Variants in ADCY7 observed in about 807,000 individuals in gnomAD.
ADCY7 encodes the protein adenylate cyclase type 7.
Under a neutral mutation model 120.6 loss-of-function variants are expected in ADCY7, and 72 were observed. That is an observed-to-expected ratio of 0.60 (90% confidence interval 0.49 to 0.73). ADCY7 has a LOEUF of 0.73. Ranked by LOEUF, ADCY7 falls within the 30% of genes least tolerant of loss-of-function variation. The probability of loss-of-function intolerance (pLI) is 0.00; values close to 1 mark genes in which losing one functional copy is unlikely to be tolerated. For synonymous variants in ADCY7, 661 were observed against 628.0 expected (o/e 1.05, Z -0.78); for missense variants, 1,227 against 1,486.0 (o/e 0.83, Z 2.87).
At chr16:50,307,643 TAGA>T (rs1162556493) in intron 15 of ADCY7, among the ~76,000 whole-genome samples, 3 of 152,174 alleles carry the variant, frequency 2.0e-5, no homozygotes, top group Non-Finnish European at 1.5e-5. Context: ...TGGTGCTTTC[TAGA>T]AGAGCAGTTA....
intron 14 of ADCY7, 118 bp from the exon 15 acceptor site, chr16:50,306,932 T>G (rs1043368540): frequency 1.3e-6 from 1 of 759,968 alleles, no homozygotes; most frequent in Non-Finnish European, 2.1e-6. Flanking sequence ...GTGCTGGGAT[T>G]ACAAGCGTGA....
intron 12 of ADCY7, 24 bp from the exon 13 acceptor site, chr16:50,305,479 G>A (rs1315205163): frequency 6.2e-7 from 1 of 1,608,408 alleles, no homozygotes; most frequent in East Asian, 2.2e-5. Context: ...CTGTGCTGAT[G>A]CAGTTGTGGG....
At chr16:50,310,657 C>T in intron 18 of ADCY7, 30 bp from the exon 19 acceptor site, 2 of 1,610,222 alleles carry the variant, frequency 1.2e-6, no homozygotes, top group Non-Finnish European at 1.7e-6. Flanking sequence ...GTGGGGTGGC[C>T]CTGTCCTGAG....
In ADCY7 at chr16:50,317,431, A is replaced by C. The variant is rs55881379; in HGVS notation, c.*1926A>C. 3 of 150,724 alleles carry C rather than the reference A, an allele frequency of 2.0e-5. No individual in the cohort carries two copies. Among genetic ancestry groups the C allele is most frequent in the Admixed American group, 6.6e-5 (1 of 15,246 alleles). 9.3% of individuals were successfully genotyped at this position (150,724 alleles called of 1,614,324 possible). A position where few individuals can be genotyped will look rare whatever the true frequency, so the allele number is the denominator to read the frequency against. ...CAAGTCAGGAAGGTTTCTGTTGCTA[A>C]TATAACATAGAAACACATTAGTGCA... On this transcript the variant is annotated 3_prime_UTR_variant, in exon 26 of 26. Transcript: ENST00000673801.
At chr16:50,259,379 A>C (rs1427472295) in intron 1 of ADCY7, among the ~76,000 whole-genome samples, 1 of 152,222 alleles carries the variant, frequency 6.6e-6, no homozygotes, top group Non-Finnish European at 1.5e-5. Context: ...GGCCGGGTGC[A>C]GGGAAGGACA....
intron 1 of ADCY7, among the ~76,000 whole-genome samples, chr16:50,276,513 A>G (rs2033902012): frequency 6.6e-6 from 1 of 152,210 alleles, no homozygotes; most frequent in South Asian, 2.1e-4. Context: ...GTGGGGTAGG[A>G]CTGTTATTCT....
At position 50,301,003 on chromosome 16, in the gene ADCY7, G is replaced by A. The variant is rs2035680766; in HGVS notation, c.1236-79G>A. 2.6e-6 allele frequency: 4 copies of A among 1,564,112 alleles called. No homozygotes were observed. The South Asian group carries it at 3.5e-5, about 14-fold the overall frequency. ...GTAGAAAAGCTGGCCTGGGGCCCAG[G>A]CCTGCCTGCTGTGCATCCCTGGGTG... On this transcript the variant is annotated intron_variant, in intron 9 of 25. Coordinates refer to ENST00000673801, the MANE Select transcript of ADCY7 (RefSeq NM_001114.5).
intron 8 of ADCY7, 119 bp downstream of exon 8, chr16:50,299,150 G>T: frequency 7.4e-7 from 1 of 1,353,028 alleles, no homozygotes; most frequent in South Asian, 1.5e-5. Flanking sequence ...GGGGGTTGGG[G>T]GTGAAAGCAG....
intron 1 of ADCY7, among the ~76,000 whole-genome samples, chr16:50,259,007 C>G (rs1340531929): frequency 6.6e-6 from 1 of 151,992 alleles, no homozygotes; most frequent in Non-Finnish European, 1.5e-5. Flanking sequence ...ATTGTTTTTC[C>G]TTTTTCTTGC....
chr16:50,296,514 G>A lies in ADCY7; in HGVS notation c.948+1763G>A, dbSNP rs555884301. ...TGGGACTACAGGCGCCTGCCACCAC[G>A]CCTGGCTAATTTTTTGTATTTTTAG... is the stretch of plus-strand genomic sequence containing the variant. On this transcript the variant is annotated intron_variant, in intron 7 of 25. Coordinates refer to ENST00000673801, the MANE Select transcript of ADCY7 (RefSeq NM_001114.5). Among the ~76,000 whole-genome samples the A allele has an allele frequency of 2.6e-5, 4 of 152,128 alleles. No individual in the cohort carries two copies. In the East Asian group the frequency reaches 7.7e-4, roughly 29 times the overall value.
chr16:50,295,121 C>T (rs747466288), intron 7 of ADCY7, among the ~76,000 whole-genome samples: 8 of 152,164 alleles, frequency 5.3e-5, no homozygotes, highest in Non-Finnish European at 1.2e-4. Flanking sequence ...CAGCCTCACC[C>T]AGAAGCTGCT....
chr16:50,304,681 C>A, intron 11 of ADCY7, 130 bp downstream of exon 11: 1 of 1,081,436 alleles, frequency 9.2e-7, no homozygotes, highest in South Asian at 1.5e-5. Context: ...AGCCTCTGCC[C>A]CACCTCCTGG....
At chr16:50,278,261 G>A (rs1190643081) in intron 1 of ADCY7, among the ~76,000 whole-genome samples, 3 of 152,038 alleles carry the variant, frequency 2.0e-5, no homozygotes, top group African/African-American at 7.2e-5. Flanking sequence ...GGCTGGTCTC[G>A]AACTCCTGGC....
At chr16:50,265,498 C>T (rs1168123746), upstream of ADCY7, among the ~76,000 whole-genome samples, 1 of 152,220 alleles carries the variant, frequency 6.6e-6, no homozygotes, top group Non-Finnish European at 1.5e-5. Context: ...TGTGGGATGT[C>T]TACTCTGTGA....
rs370314909 is a variant in ADCY7, at chr16:50,288,091, C to T, written c.-89C>T. On this transcript the variant is annotated 5_prime_UTR_variant, in exon 2 of 26. Coordinates refer to ENST00000673801, the MANE Select transcript of ADCY7 (RefSeq NM_001114.5). Reference sequence around the variant, plus strand: ...CTCGGAGAGGACAGAGGCCTAGGCCCACGGGGGAGGGTGTTGGCAGACAGA... The same window carrying T: ...CTCGGAGAGGACAGAGGCCTAGGCCTACGGGGGAGGGTGTTGGCAGACAGA... 1.3e-5 allele frequency: 19 copies of T among 1,440,878 alleles called. No individual in the cohort carries two copies. The Admixed American group carries it at 1.8e-4, about 13-fold the overall frequency. 89.3% of individuals were successfully genotyped at this position (1,440,878 alleles called of 1,614,324 possible). A position where few individuals can be genotyped will look rare whatever the true frequency, so the allele number is the denominator to read the frequency against.
chr16:50,303,953 G>A (rs1327229599), intron 10 of ADCY7, among the ~76,000 whole-genome samples: 4 of 152,100 alleles, frequency 2.6e-5, no homozygotes, highest in Non-Finnish European at 5.9e-5. Context: ...AGGAGCTGAT[G>A]GGTGCTCAGG....
intron 8 of ADCY7, among the ~76,000 whole-genome samples, chr16:50,299,862 G>T (rs1596944720): frequency 6.6e-6 from 1 of 152,182 alleles, no homozygotes; most frequent in Non-Finnish European, 1.5e-5. Context: ...TTGTCATGGG[G>T]ACTCAGGCTC....
chr16:50,309,434 C>T (rs1376628608), intron 17 of ADCY7, 114 bp from the exon 18 acceptor site: 6 of 821,824 alleles, frequency 7.3e-6, no homozygotes, highest in South Asian at 5.0e-5. Context: ...CTGATCCCAA[C>T]GTGAAACCTC....
intron 22 of ADCY7, 96 bp from the exon 23 acceptor site, chr16:50,313,862 G>A (rs2036628042): frequency 1.1e-6 from 1 of 946,124 alleles, no homozygotes; most frequent in Admixed American, 2.1e-5. Context: ...AGGCGGCGAT[G>A]GGTGGAGGGA....
Sources: allele counts gnomAD v4.1 joint callset (sites outside exome capture counted in the v4.1 genomes callset), GRCh38; gene constraint gnomAD v4.1.1; transcripts MANE v1.5; gene names NCBI Gene and HGNC (gene_info 2026-07-23, HGNC 2026-07-21).